SAMD12: variants seen among roughly 807,000 people sequenced by gnomAD.
The protein encoded by SAMD12 is sterile alpha motif domain-containing protein 12.
Under a neutral mutation model 15.0 loss-of-function variants are expected in SAMD12, and 9 were observed. The ratio of observed to expected loss-of-function variants is 0.60; its 90% confidence interval spans 0.36 to 1.05. SAMD12 has a LOEUF of 1.05. SAMD12 is among the 50% of genes least tolerant of loss of function. The pLI, the probability that SAMD12 is intolerant of heterozygous loss-of-function variation, is 0.01. For synonymous variants in SAMD12, 86 were observed against 90.1 expected (o/e 0.96, Z 0.25); for missense variants, 230 against 234.2 (o/e 0.98, Z 0.12).
At chr8:118,421,403 C>T (rs936437189) in intron 3 of SAMD12, among the ~76,000 whole-genome samples, 3 of 152,090 alleles carry the variant, frequency 2.0e-5, no homozygotes, top group East Asian at 3.9e-4. Context: ...CATACTTTAG[C>T]CATTTACTAT....
At chr8:118,281,672 A>G (rs4637872) in intron 4 of SAMD12, among the ~76,000 whole-genome samples, 54,720 of 151,994 alleles carry the variant, frequency 0.36, 12,581 homozygotes, top group African/African-American at 0.66. Context: ...TTGTGTGGGC[A>G]TGGGGAATAG....
chr8:118,509,237 A>G (rs568210221), intron 2 of SAMD12, among the ~76,000 whole-genome samples: 1 of 152,274 alleles, frequency 6.6e-6, no homozygotes, highest in Admixed American at 6.5e-5. Flanking sequence ...TAAAGCCTTA[A>G]AAGTTCTTAT....
At chr8:118,546,929 C>A (rs1245754439) in intron 2 of SAMD12, among the ~76,000 whole-genome samples, 1 of 152,152 alleles carries the variant, frequency 6.6e-6, no homozygotes, top group Non-Finnish European at 1.5e-5. Context: ...ATTAAGGATA[C>A]AAAGATTTCC....
In SAMD12 at chr8:118,269,613, C is replaced by G. The variant is rs369366758; in HGVS notation, c.434-71881G>C. ...ATACCTGAGAGTTGCCTCAGTCAAT[C>G]AATACCTTCTGTCATGCTCTATTAC... is the stretch of plus-strand genomic sequence containing the variant. On this transcript the variant is annotated intron_variant, in intron 4 of 4. Transcript: ENST00000409003. Among the ~76,000 whole-genome samples, 16 of 152,222 alleles carry G rather than the reference C, an allele frequency of 1.1e-4. No individual in the cohort carries two copies. The East Asian group carries it at 2.7e-3, about 26-fold the overall frequency.
At chr8:118,224,002 C>T (rs1169470228) in intron 4 of SAMD12, among the ~76,000 whole-genome samples, 2 of 152,126 alleles carry the variant, frequency 1.3e-5, no homozygotes, top group Non-Finnish European at 2.9e-5. Context: ...GCTCTATTCT[C>T]GATCTTGGGA....
intron 4 of SAMD12, among the ~76,000 whole-genome samples, chr8:118,298,825 A>G (rs1814865365): frequency 3.9e-5 from 6 of 152,238 alleles, no homozygotes; most frequent in Admixed American, 3.9e-4. Context: ...ATAAATAACT[A>G]TAAATTGATA....
Position 118,275,334 on chromosome 8 carries a change from A to G in SAMD12, c.434-77602T>C, listed in dbSNP as rs190895601. ...AACCAATTCTTAGGATGGCTTGTTA[A>G]CATTCTGTTTACTTGTTAATGTTCT... On this transcript the variant is annotated intron_variant, in intron 4 of 4. Transcript: ENST00000409003. 4.8e-4 allele frequency among the ~76,000 whole-genome samples: 73 copies of G among 152,284 alleles called. 1 individual carries two copies. The highest frequency in any genetic ancestry group is 1.6e-3 in the African/African-American group (67 of 41,582).
chr8:118,534,130 C>T (rs1327456790), intron 2 of SAMD12, among the ~76,000 whole-genome samples: 2 of 152,126 alleles, frequency 1.3e-5, no homozygotes, highest in East Asian at 1.9e-4. Flanking sequence ...TCTTTTAGGG[C>T]AGGCCTGGTG....
chr8:118,488,306 C>T (rs1824344461), intron 2 of SAMD12, among the ~76,000 whole-genome samples: 1 of 152,104 alleles, frequency 6.6e-6, no homozygotes, highest in African/African-American at 2.4e-5. Context: ...AATGGAAATA[C>T]TGGACAACTC....
At chr8:118,237,120 T>C (rs1183756380) in intron 4 of SAMD12, among the ~76,000 whole-genome samples, 1 of 152,158 alleles carries the variant, frequency 6.6e-6, no homozygotes, top group Non-Finnish European at 1.5e-5. Flanking sequence ...AATTATTCCA[T>C]TCAATCCTTG....
intron 4 of SAMD12, among the ~76,000 whole-genome samples, chr8:118,229,961 G>C (rs1454735969): frequency 6.6e-6 from 1 of 151,994 alleles, no homozygotes; most frequent in Non-Finnish European, 1.5e-5. Flanking sequence ...GATGTGATCT[G>C]TCTATGAGAG....
At chr8:118,140,273 CTTTTAT>C in the SAMD12 span, among the ~76,000 whole-genome samples, 1 of 150,674 alleles carries the variant, frequency 6.6e-6, no homozygotes, top group East Asian at 2.0e-4. Context: ...GGGAATTTGT[CTTTTAT>C]TTTTTTTTTT....
chr8:118,571,799 C>T (rs565888400), intron 2 of SAMD12, among the ~76,000 whole-genome samples: 4 of 152,298 alleles, frequency 2.6e-5, no homozygotes, highest in Admixed American at 2.6e-4. Flanking sequence ...CAGAAGTTTG[C>T]TGTAGGGGCA....
At chr8:118,523,833 A>C (rs1586786152) in intron 2 of SAMD12, among the ~76,000 whole-genome samples, 1 of 152,124 alleles carries the variant, frequency 6.6e-6, no homozygotes, top group Middle Eastern at 3.2e-3. Context: ...CAGAGAAGCC[A>C]TCTGAAAAGG....
At chr8:118,277,865 G>C (rs1813511166) in intron 4 of SAMD12, among the ~76,000 whole-genome samples, 1 of 152,160 alleles carries the variant, frequency 6.6e-6, no homozygotes, top group Non-Finnish European at 1.5e-5. Flanking sequence ...ACCAGATAGA[G>C]AGCTCTGAGT....
intron 4 of SAMD12, among the ~76,000 whole-genome samples, chr8:118,228,865 T>C (rs955190642): frequency 2.0e-5 from 3 of 152,202 alleles, no homozygotes; most frequent in Non-Finnish European, 4.4e-5. Context: ...CAATTCACAA[T>C]TGCTAAATCG....
chr8:118,600,528 G>A (rs559897866), intron 1 of SAMD12, among the ~76,000 whole-genome samples: 1 of 152,284 alleles, frequency 6.6e-6, no homozygotes, highest in African/African-American at 2.4e-5. Context: ...AGTCAGCAGT[G>A]CAGACAAGAT....
chr8:118,359,519 A>G (rs1818389169), intron 4 of SAMD12, among the ~76,000 whole-genome samples: 1 of 152,218 alleles, frequency 6.6e-6, no homozygotes, highest in Non-Finnish European at 1.5e-5. Flanking sequence ...GGCACAAAGC[A>G]ATGATGAGAT....
intron 4 of SAMD12, among the ~76,000 whole-genome samples, chr8:118,256,878 T>G (rs774335337): frequency 6.6e-6 from 1 of 151,864 alleles, no homozygotes; most frequent in African/African-American, 2.4e-5. Flanking sequence ...TAGGATACTT[T>G]GGATTCAAGC....
Sources: gnomAD v4.1 joint callset for allele counts (sites outside exome capture counted in the v4.1 genomes callset) on GRCh38, gnomAD v4.1.1 for gene constraint, MANE v1.5 for transcripts, NCBI Gene and HGNC (gene_info 2026-07-23, HGNC 2026-07-21) for gene names.